ROBO1: variants seen among roughly 807,000 people sequenced by gnomAD.
ROBO1 encodes the protein roundabout homolog 1.
A neutral mutation model predicts 195.9 loss-of-function variants in ROBO1; 149 were observed. That is an observed-to-expected ratio of 0.76 (90% CI 0.67 to 0.87). The LOEUF (loss-of-function observed/expected upper bound fraction) is 0.87, where lower values mean the gene tolerates loss of function less well. Among genes scored for constraint, ROBO1 ranks in the 40% least tolerant of loss-of-function variants. The probability of loss-of-function intolerance (pLI) is 0.00; values close to 1 mark genes in which losing one functional copy is unlikely to be tolerated. For missense variants in ROBO1, 1,933 were observed against 2,068.3 expected, an observed-to-expected ratio of 0.93 and a Z score of 1.27; for synonymous variants, 816 against 733.2, an observed-to-expected ratio of 1.11 and a Z score of -1.82.
intron 1 of ROBO1, among the ~76,000 whole-genome samples, chr3:79,711,832 G>C (rs776214805): frequency 7.1e-6 from 1 of 140,700 alleles, no homozygotes; most frequent in African/African-American, 2.6e-5. Flanking sequence ...GGTAATTCTG[G>C]CAATATTTTA....
chr3:79,688,743 A>G (rs1947210712), intron 1 of ROBO1, among the ~76,000 whole-genome samples: 1 of 152,192 alleles, frequency 6.6e-6, no homozygotes, highest in Admixed American at 6.6e-5. Context: ...TGGGACTGAC[A>G]GAAGTTTTAT....
intron 2 of ROBO1, among the ~76,000 whole-genome samples, chr3:79,439,811 G>C (rs1056727038): frequency 2.6e-5 from 4 of 152,164 alleles, no homozygotes; most frequent in African/African-American, 9.6e-5. Context: ...TTCATTCTTA[G>C]TTGGAGAGAA....
At chr3:79,373,356 C>T (rs1484152581) in intron 2 of ROBO1, among the ~76,000 whole-genome samples, 1 of 151,928 alleles carries the variant, frequency 6.6e-6, no homozygotes, top group East Asian at 1.9e-4. Flanking sequence ...TTCACTTTGC[C>T]TTATTTCTGA....
intron 8 of ROBO1, among the ~76,000 whole-genome samples, chr3:78,701,522 T>A (rs376529391): frequency 1.3e-5 from 2 of 152,200 alleles, no homozygotes. Context: ...TATGATTTAA[T>A]GTTTATTCTC....
chr3:79,221,394 A>C (rs1054044148), intron 2 of ROBO1, among the ~76,000 whole-genome samples: 1 of 152,136 alleles, frequency 6.6e-6, no homozygotes, highest in Non-Finnish European at 1.5e-5. Flanking sequence ...AAGCAGACCC[A>C]ATTCTATTTT....
At chr3:79,487,370 C>G (rs1320646068) in intron 2 of ROBO1, among the ~76,000 whole-genome samples, 4 of 151,760 alleles carry the variant, frequency 2.6e-5, no homozygotes, top group African/African-American at 7.3e-5. Context: ...CAATGGCTTT[C>G]TGTGTGTGTT....
intron 4 of ROBO1, among the ~76,000 whole-genome samples, chr3:78,936,380 T>A (rs2039809220): frequency 6.6e-6 from 1 of 152,024 alleles, no homozygotes; most frequent in African/African-American, 2.4e-5. Context: ...TTCGTTAATG[T>A]TTTTACTTGG....
chr3:78,967,864 A>G lies in ROBO1; in HGVS notation c.173-28937T>C, dbSNP rs577978045. Among the ~76,000 whole-genome samples the G allele has an allele frequency of 5.9e-5, 9 of 152,322 alleles. No individual in the cohort carries two copies. The South Asian group carries it at 1.5e-3, about 25-fold the overall frequency. On this transcript the variant is annotated intron_variant, in intron 3 of 30. Transcript: ENST00000464233. ...ATGGTATCTTTAAAAAAAGAAAGGC[A>G]AAGAGAAATATTTTCAAACTGGCTA...
At chr3:79,728,039 GC>G (rs1356332916) in intron 1 of ROBO1, among the ~76,000 whole-genome samples, 1 of 151,782 alleles carries the variant, frequency 6.6e-6, no homozygotes, top group Non-Finnish European at 1.5e-5. Context: ...AAATAATCAC[GC>G]CCCAAGTGCT....
At chr3:79,708,083 C>T (rs985949693) in intron 1 of ROBO1, among the ~76,000 whole-genome samples, 2 of 152,070 alleles carry the variant, frequency 1.3e-5, no homozygotes, top group African/African-American at 2.4e-5. Flanking sequence ...GCTACTGTGG[C>T]ATATTGACCA....
At chr3:79,491,574 G>C (rs1025154242) in intron 2 of ROBO1, among the ~76,000 whole-genome samples, 1 of 152,130 alleles carries the variant, frequency 6.6e-6, no homozygotes, top group African/African-American at 2.4e-5. Context: ...ATCTTTGAGA[G>C]CAAAGTTGAG....
At chr3:78,871,288 TC>T (rs1456550972) in intron 4 of ROBO1, among the ~76,000 whole-genome samples, 4 of 152,182 alleles carry the variant, frequency 2.6e-5, no homozygotes, top group African/African-American at 9.7e-5. Context: ...TCAGAGCCAG[TC>T]ATTAGGAAGG....
intron 3 of ROBO1, among the ~76,000 whole-genome samples, chr3:78,969,162 TAAG>T (rs2076710964): frequency 6.6e-6 from 1 of 152,166 alleles, no homozygotes; most frequent in Non-Finnish European, 1.5e-5. Context: ...CCCTTAAATA[TAAG>T]AAGATAGTTA....
intron 1 of ROBO1, among the ~76,000 whole-genome samples, chr3:79,733,243 T>A (rs1019739095): frequency 6.6e-6 from 1 of 152,208 alleles, no homozygotes; most frequent in African/African-American, 2.4e-5. Context: ...AGTGCCCAAT[T>A]ATCTTCTTAT....
At chr3:78,943,662 G>A (rs2040260418) in intron 3 of ROBO1, among the ~76,000 whole-genome samples, 1 of 152,044 alleles carries the variant, frequency 6.6e-6, no homozygotes, top group Admixed American at 6.6e-5. Flanking sequence ...CAACTTATTT[G>A]GCCACTGAAC....
chr3:79,560,558 T>TATATAC (rs5850439), intron 2 of ROBO1, among the ~76,000 whole-genome samples: 23,728 of 128,934 alleles, frequency 0.18, 2,441 homozygotes, highest in Non-Finnish European at 0.23. Flanking sequence ...TATATATATA[T>TATATAC]ACACATACAC....
intron 3 of ROBO1, among the ~76,000 whole-genome samples, chr3:78,980,592 A>G (rs2076970361): frequency 6.6e-6 from 1 of 152,166 alleles, no homozygotes; most frequent in Non-Finnish European, 1.5e-5. Flanking sequence ...CTGAAGTCTG[A>G]TATTCATTTA....
chr3:78,939,864 A>G (rs1359460400), intron 3 of ROBO1, among the ~76,000 whole-genome samples: 1 of 151,984 alleles, frequency 6.6e-6, no homozygotes. Context: ...ATGGAAAAGG[A>G]TATTGAGTGA....
At chr3:78,946,343 C>A (rs1212199618) in intron 3 of ROBO1, among the ~76,000 whole-genome samples, 1 of 152,180 alleles carries the variant, frequency 6.6e-6, no homozygotes, top group Non-Finnish European at 1.5e-5. Flanking sequence ...ACTCTACAAG[C>A]TAGAGGAGAG....
Sources: allele counts gnomAD v4.1 joint callset (sites outside exome capture counted in the v4.1 genomes callset), GRCh38; gene constraint gnomAD v4.1.1; transcripts MANE v1.5; gene names NCBI Gene and HGNC (gene_info 2026-07-23, HGNC 2026-07-21).